Variants in SLC9A9 observed in about 807,000 individuals in gnomAD.
SLC9A9 encodes the protein sodium/hydrogen exchanger 9.
In SLC9A9, 62 loss-of-function variants were observed where a neutral mutation model predicts 77.8. That is an observed-to-expected ratio of 0.80 (90% CI 0.65 to 0.98). The LOEUF is 0.98. SLC9A9 is among the 50% of genes least tolerant of loss of function. The pLI, the probability that SLC9A9 is intolerant of heterozygous loss-of-function variation, is 0.00. For synonymous variants in SLC9A9, 320 were observed against 283.5 expected, an observed-to-expected ratio of 1.13 and a Z score of -1.29; for missense variants, 775 against 774.9, an observed-to-expected ratio of 1.00 and a Z score of 0.00.
Position 143,780,509 on chromosome 3 carries a change from T to C in SLC9A9, c.533+14492A>G, listed in dbSNP as rs1030052825. ...CGCAATCATTGATTTGTTTATAATG[T>C]AGTTTGGACACCAAAAGAGGAAAAA... On this transcript the variant is annotated intron_variant, in intron 4 of 15. Transcript: ENST00000316549. Among the ~76,000 whole-genome samples the C allele has an allele frequency of 2.6e-5, 4 of 152,362 alleles. No homozygotes were observed. The South Asian group carries it at 6.2e-4, about 24-fold the overall frequency.
At chr3:143,485,698 A>G (rs1293112108) in intron 11 of SLC9A9, among the ~76,000 whole-genome samples, 3 of 152,200 alleles carry the variant, frequency 2.0e-5, no homozygotes, top group Non-Finnish European at 4.4e-5. Flanking sequence ...TTAACAAAAA[A>G]TCACAAGGTA....
At chr3:143,476,475 C>T (rs918227641) in intron 11 of SLC9A9, among the ~76,000 whole-genome samples, 2 of 152,204 alleles carry the variant, frequency 1.3e-5, no homozygotes, top group African/African-American at 4.8e-5. Context: ...AGCTCTGTCA[C>T]AACTCTGAAG....
intron 14 of SLC9A9, among the ~76,000 whole-genome samples, chr3:143,317,099 C>T (rs1012275241): frequency 2.0e-5 from 3 of 152,204 alleles, no homozygotes; most frequent in African/African-American, 7.2e-5. Context: ...ATCTCTGTCA[C>T]AGACCTCCTC....
chr3:143,329,996 GAA>G (rs1039283213), intron 14 of SLC9A9, among the ~76,000 whole-genome samples: 1 of 151,884 alleles, frequency 6.6e-6, no homozygotes, highest in African/African-American at 2.4e-5. Context: ...CAAACTACTG[GAA>G]AAAAAAGAAA....
intron 6 of SLC9A9, among the ~76,000 whole-genome samples, chr3:143,634,190 T>C (rs923307687): frequency 6.6e-6 from 1 of 151,980 alleles, no homozygotes. Flanking sequence ...TATCTTATGC[T>C]GTCGATGATT....
intron 14 of SLC9A9, among the ~76,000 whole-genome samples, chr3:143,350,273 TTTTCC>T (rs1367174259): frequency 6.6e-6 from 1 of 152,184 alleles, no homozygotes; most frequent in Admixed American, 6.5e-5. Context: ...GCATCTATAC[TTTTCC>T]TTTCTATTCC....
chr3:143,510,456 T>C (rs1453532492), intron 9 of SLC9A9, among the ~76,000 whole-genome samples: 2 of 152,250 alleles, frequency 1.3e-5, no homozygotes, highest in Admixed American at 6.5e-5. Flanking sequence ...TTGCTTTAGA[T>C]GACTTTTCCA....
At chr3:143,329,380 G>A (rs949384384) in intron 14 of SLC9A9, among the ~76,000 whole-genome samples, 1 of 152,200 alleles carries the variant, frequency 6.6e-6, no homozygotes, top group Admixed American at 6.5e-5. Context: ...AAAAAATAAA[G>A]TTGTAGAACC....
chr3:143,485,996 T>C (rs1298905353), intron 11 of SLC9A9, among the ~76,000 whole-genome samples: 1 of 152,054 alleles, frequency 6.6e-6, no homozygotes, highest in Non-Finnish European at 1.5e-5. Flanking sequence ...TGAAACACTT[T>C]CAAAGTTTTT....
intron 11 of SLC9A9, among the ~76,000 whole-genome samples, chr3:143,487,248 C>G (rs960447347): frequency 9.9e-5 from 15 of 151,850 alleles, no homozygotes; most frequent in Non-Finnish European, 1.9e-4. Flanking sequence ...CATTTACATA[C>G]CTAATGACAG....
At chr3:143,714,323 C>G (rs997944786) in intron 4 of SLC9A9, among the ~76,000 whole-genome samples, 1 of 152,170 alleles carries the variant, frequency 6.6e-6, no homozygotes, top group Middle Eastern at 3.2e-3. Flanking sequence ...TCCAGTGTCT[C>G]TTTTCTTCAT....
At chr3:143,468,918 T>G (rs979424970) in intron 11 of SLC9A9, among the ~76,000 whole-genome samples, 2 of 151,518 alleles carry the variant, frequency 1.3e-5, no homozygotes, top group African/African-American at 4.9e-5. Context: ...TCCCAGCACT[T>G]CGGGAGGCCG....
intron 13 of SLC9A9, among the ~76,000 whole-genome samples, chr3:143,379,181 G>A (rs1417501690): frequency 6.6e-6 from 1 of 152,074 alleles, no homozygotes; most frequent in African/African-American, 2.4e-5. Flanking sequence ...TAACCTATTT[G>A]TTAATGCAAA....
intron 11 of SLC9A9, among the ~76,000 whole-genome samples, chr3:143,483,519 G>T (rs11707120): frequency 0.1 from 15,590 of 152,220 alleles, 1,049 homozygotes; most frequent in South Asian, 0.23. Flanking sequence ...TCTGCCTCAG[G>T]TTTTGTGGGG....
intron 4 of SLC9A9, among the ~76,000 whole-genome samples, chr3:143,793,758 C>T (rs1437864902): frequency 6.6e-6 from 1 of 152,154 alleles, no homozygotes; most frequent in Non-Finnish European, 1.5e-5. Context: ...GAATGAGAGG[C>T]TGTAGTTACA....
At chr3:143,699,055 C>CT (rs1202043014) in intron 4 of SLC9A9, among the ~76,000 whole-genome samples, 5 of 152,252 alleles carry the variant, frequency 3.3e-5, no homozygotes, top group Admixed American at 3.3e-4. Context: ...TTCACATTTT[C>CT]TTTTTTCTGA....
At chr3:143,491,931 T>C (rs1224547283) in intron 11 of SLC9A9, among the ~76,000 whole-genome samples, 1 of 152,206 alleles carries the variant, frequency 6.6e-6, no homozygotes, top group African/African-American at 2.4e-5. Context: ...TGCTCAAGTT[T>C]ACCTTTTGCT....
chr3:143,641,910 C>A (rs1188238139), intron 6 of SLC9A9, among the ~76,000 whole-genome samples: 6 of 152,170 alleles, frequency 3.9e-5, no homozygotes, highest in African/African-American at 1.4e-4. Flanking sequence ...ATTTTGCCCG[C>A]CACTCCCATT....
At chr3:143,651,118 G>C (rs1455527911) in intron 6 of SLC9A9, among the ~76,000 whole-genome samples, 3 of 152,168 alleles carry the variant, frequency 2.0e-5, no homozygotes, top group African/African-American at 7.2e-5. Flanking sequence ...TTTAATGCTA[G>C]TATTTCTTGG....
Sources: gnomAD v4.1 joint callset for allele counts (sites outside exome capture counted in the v4.1 genomes callset) on GRCh38, gnomAD v4.1.1 for gene constraint, MANE v1.5 for transcripts, NCBI Gene and HGNC (gene_info 2026-07-23, HGNC 2026-07-21) for gene names.